CUL1: variants seen among roughly 807,000 people sequenced by gnomAD.
The protein encoded by CUL1 is cullin-1.
A neutral mutation model predicts 118.0 loss-of-function variants in CUL1; 24 were observed. The ratio of observed to expected loss-of-function variants is 0.20; its 90% CI spans 0.15 to 0.29. CUL1 has a LOEUF of 0.29. Ranked by LOEUF, CUL1 falls within the 10% of genes least tolerant of loss-of-function variation. The probability of loss-of-function intolerance (pLI) is 1.00; values close to 1 mark genes in which losing one functional copy is unlikely to be tolerated. For missense variants in CUL1, 361 were observed against 933.8 expected (o/e 0.39, Z 7.99); for synonymous variants, 332 against 340.4 (o/e 0.98, Z 0.27).
At chr7:148,718,758 T>A (rs993098527) in intron 1 of CUL1, among the ~76,000 whole-genome samples, 1 of 152,152 alleles carries the variant, frequency 6.6e-6, no homozygotes, top group African/African-American at 2.4e-5. Flanking sequence ...GGTAGAATAA[T>A]GGGGCATGTG....
chr7:148,795,703 C>T (rs1268172873), intron 17 of CUL1, among the ~76,000 whole-genome samples: 2 of 149,372 alleles, frequency 1.3e-5, no homozygotes, highest in Non-Finnish European at 3.0e-5. Flanking sequence ...CCAGGAGGCG[C>T]AGCTTGCAGT....
At chr7:148,734,852 A>G (rs938192835) in intron 2 of CUL1, among the ~76,000 whole-genome samples, 8 of 152,164 alleles carry the variant, frequency 5.3e-5, no homozygotes, top group African/African-American at 1.9e-4. Context: ...TTTCCAGGTC[A>G]GGTACCTCAG....
intron 2 of CUL1, among the ~76,000 whole-genome samples, chr7:148,752,446 TTAAAG>T (rs1799519080): frequency 6.6e-6 from 1 of 152,222 alleles, no homozygotes. Context: ...TTTCATTGTT[TTAAAG>T]TATAGTTCTT....
chr7:148,719,286 T>G (rs867119912), intron 1 of CUL1, among the ~76,000 whole-genome samples: 4 of 151,636 alleles, frequency 2.6e-5, no homozygotes, highest in Non-Finnish European at 5.9e-5. Flanking sequence ...ACTCCAGCCT[T>G]GGTGACAGAG....
chr7:148,702,420 T>G (rs555777246), intron 1 of CUL1, among the ~76,000 whole-genome samples: 40 of 152,338 alleles, frequency 2.6e-4, no homozygotes, highest in Admixed American at 2.1e-3. Flanking sequence ...TTGACACTGT[T>G]GATTTCCTTA....
chr7:148,700,146 C>G (rs1246526319), intron 1 of CUL1, among the ~76,000 whole-genome samples: 1 of 152,176 alleles, frequency 6.6e-6, no homozygotes, highest in East Asian at 1.9e-4. Flanking sequence ...TGCGCAAATA[C>G]TGAATTGCAG....
Position 148,788,634 on chromosome 7 carries a change from G to A in CUL1, c.1557G>A (p.Glu519=). The change falls in exon 14 of 22, where the codon GAG becomes GAA. Residue 519 remains glutamate (E), a synonymous_variant. Coordinates refer to ENST00000325222, the MANE Select transcript of CUL1 (RefSeq NM_003592.3). ...TTGGCGTGAGCAAAGATCTGAACGAGCAATTCAAAAAGCACTTGACAAACT... is the reference window on the plus strand; with the variant it reads ...TTGGCGTGAGCAAAGATCTGAACGAACAATTCAAAAAGCACTTGACAAACT... The part of the protein sequence containing the change: ...QDIGVSKDLN[E]QFKKHLTNSE... 1 of 1,614,122 alleles carries A rather than the reference G, an allele frequency of 6.2e-7. No homozygotes were observed. The highest frequency in any genetic ancestry group is 8.5e-7 in the Non-Finnish European group (1 of 1,179,980).
intron 9 of CUL1, among the ~76,000 whole-genome samples, chr7:148,775,707 C>T (rs1038444248): frequency 4.1e-4 from 62 of 152,272 alleles, no homozygotes; most frequent in African/African-American, 1.4e-3. Context: ...AGGTACATAA[C>T]TTCAGAGAAA....
chr7:148,763,609 A>G (rs547594061), intron 7 of CUL1, among the ~76,000 whole-genome samples: 1 of 152,326 alleles, frequency 6.6e-6, no homozygotes, highest in African/African-American at 2.4e-5. Flanking sequence ...TAGTATTTAC[A>G]AATTTTAACA....
intron 9 of CUL1, among the ~76,000 whole-genome samples, chr7:148,779,790 C>G (rs1288603045): frequency 1.3e-5 from 2 of 152,154 alleles, no homozygotes; most frequent in African/African-American, 4.8e-5. Flanking sequence ...AGTATTGATC[C>G]TGGGTGTGTC....
chr7:148,705,087 T>C (rs144313644), intron 1 of CUL1, among the ~76,000 whole-genome samples: 16 of 152,326 alleles, frequency 1.1e-4, no homozygotes, highest in African/African-American at 3.8e-4. Flanking sequence ...CTTCTTCTCA[T>C]TTATTTCCCC....
intron 1 of CUL1, among the ~76,000 whole-genome samples, chr7:148,726,581 A>G (rs1430775766): frequency 6.6e-6 from 1 of 152,124 alleles, no homozygotes; most frequent in African/African-American, 2.4e-5. Context: ...CTGTTTTGAC[A>G]CTTTAAAAAC....
chr7:148,710,617 C>T (rs912216096), intron 1 of CUL1, among the ~76,000 whole-genome samples: 11 of 151,976 alleles, frequency 7.2e-5, no homozygotes, highest in South Asian at 2.1e-4. Flanking sequence ...ACTGCTGTTT[C>T]GGAATCATAA....
At chr7:148,737,422 A>G (rs1390097604) in intron 2 of CUL1, among the ~76,000 whole-genome samples, 1 of 151,976 alleles carries the variant, frequency 6.6e-6, no homozygotes, top group Non-Finnish European at 1.5e-5. Flanking sequence ...ACGTACCCAC[A>G]GACTGGACAG....
At chr7:148,769,131 A>G (rs968183898) in intron 9 of CUL1, among the ~76,000 whole-genome samples, 7 of 151,518 alleles carry the variant, frequency 4.6e-5, no homozygotes, top group African/African-American at 1.7e-4. Flanking sequence ...CAGCTATCTC[A>G]CCCTTGGCGA....
intron 9 of CUL1, among the ~76,000 whole-genome samples, chr7:148,775,250 G>T (rs1800358471): frequency 6.6e-6 from 1 of 152,162 alleles, no homozygotes; most frequent in African/African-American, 2.4e-5. Context: ...TTCTCTGGAT[G>T]GTAAGAAAAG....
chr7:148,705,604 C>CG (rs769523744), intron 1 of CUL1, among the ~76,000 whole-genome samples: 2 of 152,156 alleles, frequency 1.3e-5, no homozygotes, highest in African/African-American at 4.8e-5. Flanking sequence ...AAAGTCAGAA[C>CG]GGGGGAAAAA....
In CUL1 at chr7:148,800,436, G is replaced by GTTCTGATGATAATTTGTGTTT; in HGVS notation, c.2251-61_2251-41dup. On this transcript the variant is annotated intron_variant, in intron 21 of 21. Coordinates refer to ENST00000325222, the MANE Select transcript of CUL1 (RefSeq NM_003592.3). This position sits in a 1 kb window ranked among gnomAD's most constrained non-coding sequence, Gnocchi z 4.6. ...TTTGTGGTGGGGGCAGCCTCTCTCT[G>GTTCTGATGATAATTTGTGTTT]TTCTGATGATAATTTGTGTTTTTCT... 1 of 1,337,974 alleles carries GTTCTGATGATAATTTGTGTTT rather than the reference G, an allele frequency of 7.5e-7. No homozygotes were observed. The highest frequency in any genetic ancestry group is 1.2e-5 in the South Asian group (1 of 83,230). The allele number at this position is 1,337,974 out of a possible 1,614,324, so 82.9% of individuals were successfully genotyped here.
At chr7:148,703,824 C>T (rs1473710888) in intron 1 of CUL1, among the ~76,000 whole-genome samples, 2 of 152,066 alleles carry the variant, frequency 1.3e-5, no homozygotes, top group East Asian at 1.9e-4. Context: ...AGCCACTGCG[C>T]CCGGCCGTGA....
Sources: gnomAD v4.1 joint callset for allele counts (sites outside exome capture counted in the v4.1 genomes callset) on GRCh38, gnomAD v4.1.1 for gene constraint, Gnocchi (gnomAD v3.1) non-coding constraint, MANE v1.5 for transcripts, NCBI Gene and HGNC (gene_info 2026-07-23, HGNC 2026-07-21) for gene names.